Variants in KLHL18 observed in about 807,000 individuals in gnomAD.
KLHL18 encodes kelch-like protein 18.
KLHL18 carries 38 observed loss-of-function variants against 58.5 expected under a neutral mutation model. The observed-to-expected ratio is 0.65, with a 90% CI of 0.50 to 0.85. KLHL18 has a LOEUF of 0.85. KLHL18 is among the 40% of genes least tolerant of loss of function. KLHL18 has a pLI of 0.00. For synonymous variants in KLHL18, 303 were observed against 301.9 expected (o/e 1.00, Z -0.04); for missense variants, 624 against 778.4 (o/e 0.80, Z 2.36).
rs1235168052 is a variant in KLHL18, at chr3:47,336,534, G to A, written c.899-1G>A. On this transcript the variant is annotated splice_acceptor_variant, in intron 6 of 9. Transcript: ENST00000232766. LOFTEE classifies it high-confidence loss of function. ...AATTTGAGTAGCAAATTTTTATGCAGGTGATTCCCTGAATGTGGTGGAAGT... is the reference window on the plus strand; with the variant it reads ...AATTTGAGTAGCAAATTTTTATGCAAGTGATTCCCTGAATGTGGTGGAAGT... 6.2e-7 allele frequency: 1 copy of A among 1,611,434 alleles called. No homozygotes were observed. Among genetic ancestry groups the A allele is most frequent in the Non-Finnish European group, 8.5e-7 (1 of 1,177,608 alleles).
intron 1 of KLHL18, among the ~76,000 whole-genome samples, chr3:47,306,442 T>C (rs1437541238): frequency 6.6e-6 from 1 of 152,188 alleles, no homozygotes; most frequent in Non-Finnish European, 1.5e-5. Flanking sequence ...GGATTTTACA[T>C]TGTGTTGTGT....
chr3:47,324,480 A>G (rs916866821), intron 3 of KLHL18, among the ~76,000 whole-genome samples: 2 of 150,822 alleles, frequency 1.3e-5, no homozygotes, highest in African/African-American at 4.9e-5. Flanking sequence ...TGAGATTGTC[A>G]CTGTCAACAC....
chr3:47,333,225 G>A lies in KLHL18; in HGVS notation c.669G>A (p.Leu223=), dbSNP rs1202888061. 1 of 1,614,062 alleles carries A rather than the reference G, an allele frequency of 6.2e-7. No individual in the cohort carries two copies. The highest frequency in any genetic ancestry group is 8.5e-7 in the Non-Finnish European group (1 of 1,180,038). The change falls in exon 5 of 10, where the codon CTG becomes CTA. Residue 223 remains leucine, a synonymous_variant. Transcript: ENST00000232766. ...REQRGPYLPE[L]LSNIRLPLCR... ...AGAGGGGTCCCTACCTGCCTGAGCTGCTGTCCAATATCCGCCTGCCCCTCT... is the reference window on the plus strand; with the variant it reads ...AGAGGGGTCCCTACCTGCCTGAGCTACTGTCCAATATCCGCCTGCCCCTCT...
At position 47,309,861 on chromosome 3, in the gene KLHL18, C is replaced by T. The variant is rs145919972; in HGVS notation, c.130-9792C>T. 2.9e-3 allele frequency among the ~76,000 whole-genome samples: 441 copies of T among 152,208 alleles called. 1 individual carries two copies. The highest frequency in any genetic ancestry group is 1.0e-2 in the African/African-American group (415 of 41,546). On this transcript the variant is annotated intron_variant, in intron 1 of 9. Coordinates refer to ENST00000232766, the MANE Select transcript of KLHL18 (RefSeq NM_025010.5). ...AAAAAAATAACGAAAACCAGTCAGGCGTGGCAGCGCGCGCCTGCACTGGGC... is the reference window on the plus strand; with the variant it reads ...AAAAAAATAACGAAAACCAGTCAGGTGTGGCAGCGCGCGCCTGCACTGGGC...
At chr3:47,310,938 T>G (rs1703283871) in intron 1 of KLHL18, among the ~76,000 whole-genome samples, 1 of 152,264 alleles carries the variant, frequency 6.6e-6, no homozygotes, top group South Asian at 2.1e-4. Context: ...TCCCTCCAGT[T>G]CATACTCTAT....
rs565226018 is a variant in KLHL18, at chr3:47,329,658, A to G, written c.402-293A>G. The stretch of plus-strand genomic sequence containing the variant: ...TCTCAAACAGATTTTCAGTGCCTGC[A>G]CTCCTGTGATGGTTACTTCTCACCT... On this transcript the variant is annotated intron_variant, in intron 3 of 9. Coordinates refer to ENST00000232766, the MANE Select transcript of KLHL18 (RefSeq NM_025010.5). Among the ~76,000 whole-genome samples the G allele has an allele frequency of 7.9e-5, 12 of 152,054 alleles. No homozygotes were observed. The South Asian group carries it at 2.5e-3, about 32-fold the overall frequency.
At chr3:47,316,806 CATAT>C (rs1343360858) in intron 1 of KLHL18, among the ~76,000 whole-genome samples, 1 of 145,600 alleles carries the variant, frequency 6.9e-6, no homozygotes, top group African/African-American at 2.5e-5. Flanking sequence ...TATATATATA[CATAT>C]ATATATTTTT....
Position 47,324,298 on chromosome 3 carries a change from C to CTTTTTTTT in KLHL18, c.401+1609_401+1616dup, listed in dbSNP as rs769288621. ...CTTCCTTTTTTCTTTTTCTTTCTTT[C>CTTTTTTTT]TTTTTTTTTTTTTTTTTTTTTTTTT... is the stretch of plus-strand genomic sequence containing the variant. On this transcript the variant is annotated intron_variant, in intron 3 of 9. Coordinates refer to ENST00000232766, the MANE Select transcript of KLHL18 (RefSeq NM_025010.5). 6.6e-3 allele frequency among the ~76,000 whole-genome samples: 249 copies of CTTTTTTTT among 37,468 alleles called. 63 individuals carry two copies. Among genetic ancestry groups the CTTTTTTTT allele is most frequent in the African/African-American group, 8.1e-3 (81 of 9,978 alleles). The allele number at this position is 37,468 out of a possible 152,430, so 24.6% of individuals were successfully genotyped here.
At chr3:47,308,117 C>A (rs181288533) in intron 1 of KLHL18, among the ~76,000 whole-genome samples, 2 of 152,224 alleles carry the variant, frequency 1.3e-5, no homozygotes, top group South Asian at 2.1e-4. Flanking sequence ...TACTACTTAT[C>A]ATGCACTTTC....
At chr3:47,321,295 T>C (rs934750025) in intron 2 of KLHL18, among the ~76,000 whole-genome samples, 1 of 151,214 alleles carries the variant, frequency 6.6e-6, no homozygotes, top group Non-Finnish European at 1.5e-5. Flanking sequence ...CAGCCTCCCA[T>C]GAGTAGCTAG....
chr3:47,303,878 A>G (rs1449313689), intron 1 of KLHL18, among the ~76,000 whole-genome samples: 1 of 146,686 alleles, frequency 6.8e-6, no homozygotes, highest in African/African-American at 2.5e-5. Context: ...ACATGCCACT[A>G]TGCCCAACTA....
chr3:47,342,622 T>C, intron 8 of KLHL18, 97 bp from the exon 9 acceptor site: 1 of 896,654 alleles, frequency 1.1e-6, no homozygotes, highest in East Asian at 2.5e-5. Flanking sequence ...GATGGAGAGA[T>C]GGCCAGCACA....
intron 1 of KLHL18, among the ~76,000 whole-genome samples, chr3:47,288,144 C>A (rs1432131223): frequency 6.8e-6 from 1 of 147,686 alleles, no homozygotes; most frequent in African/African-American, 2.5e-5. Flanking sequence ...TCGCTTGAAC[C>A]TGGGAGGCGG....
intron 1 of KLHL18, among the ~76,000 whole-genome samples, chr3:47,285,312 T>A (rs1213212963): frequency 1.3e-5 from 2 of 152,226 alleles, no homozygotes; most frequent in Admixed American, 1.3e-4. Flanking sequence ...GTAGAAGATG[T>A]TAAGGCCACT....
rs1703941878 is a variant in KLHL18, at chr3:47,334,608, G to A, written c.762-75G>A. 4 of 1,559,124 alleles carry A rather than the reference G, an allele frequency of 2.6e-6. No individual in the cohort carries two copies. Among genetic ancestry groups the A allele is most frequent in the Non-Finnish European group, 3.5e-6 (4 of 1,138,496 alleles). On this transcript the variant is annotated intron_variant, in intron 5 of 9. Coordinates refer to ENST00000232766, the MANE Select transcript of KLHL18 (RefSeq NM_025010.5). This position sits in a 1 kb window ranked among gnomAD's most constrained non-coding sequence, Gnocchi z 4.7. ...TTTCCCCTGCAGTTGGCAGTGGAGA[G>A]CCAGGCTCAGAGATGCAAACGAGGA...
intron 4 of KLHL18, among the ~76,000 whole-genome samples, chr3:47,331,708 C>T (rs981188541): frequency 1.4e-4 from 21 of 151,122 alleles, no homozygotes; most frequent in African/African-American, 4.9e-4. Context: ...GCTGGGATTA[C>T]AGGCGTGAGC....
At chr3:47,283,739 A>G (rs1273495453) in intron 1 of KLHL18, among the ~76,000 whole-genome samples, 1 of 152,136 alleles carries the variant, frequency 6.6e-6, no homozygotes, top group Non-Finnish European at 1.5e-5. Flanking sequence ...AAGATATCTT[A>G]ACCACCTGTT....
chr3:47,293,123 C>T lies in KLHL18; in HGVS notation c.129+10029C>T, dbSNP rs530112378. On this transcript the variant is annotated intron_variant, in intron 1 of 9. Transcript: ENST00000232766. ...AAGTGGAATGATGGTTGCCAGGGGC[C>T]GGGAGGAGGGGGAATGGAGAGTTAC... is the stretch of plus-strand genomic sequence containing the variant. Among the ~76,000 whole-genome samples, 5 of 151,860 alleles carry T rather than the reference C, an allele frequency of 3.3e-5. No homozygotes were observed. The South Asian group carries it at 1.0e-3, about 32-fold the overall frequency.
At position 47,343,752 on chromosome 3, in the gene KLHL18, G is replaced by A. The variant is rs373090409; in HGVS notation, c.1536G>A (p.Thr512=). ...DQWCLIVPMH[T]RRSRVSLVAS... is the part of the protein sequence containing the mutation. ...GGTGCCTGATTGTCCCCATGCACAC[G>A]CGCAGGAGCCGGGTCTCCCTGGTGG... The change falls in exon 10 of 10, where the codon ACG becomes ACA. Residue 512 remains threonine, a synonymous_variant. Transcript: ENST00000232766. The A allele has an allele frequency of 8.7e-6, 14 of 1,614,194 alleles. No individual in the cohort carries two copies. The highest frequency in any genetic ancestry group is 5.0e-5 in the Admixed American group (3 of 60,026).
Sources: allele counts gnomAD v4.1 joint callset (sites outside exome capture counted in the v4.1 genomes callset), GRCh38; gene constraint gnomAD v4.1.1; non-coding constraint Gnocchi (gnomAD v3.1); transcripts MANE v1.5; gene names NCBI Gene and HGNC (gene_info 2026-07-23, HGNC 2026-07-21).